Variants in ADGRB3 observed in about 807,000 individuals in gnomAD.
ADGRB3 encodes the protein brain-specific angiogenesis inhibitor 3.
A neutral mutation model predicts 193.4 loss-of-function variants in ADGRB3; 37 were observed. The observed-to-expected ratio is 0.19, with a 90% CI of 0.15 to 0.25. ADGRB3 has a LOEUF of 0.25. Ranked by LOEUF, ADGRB3 falls within the 10% of genes least tolerant of loss-of-function variation. ADGRB3 has a pLI of 1.00. For missense variants in ADGRB3, 1,637 were observed against 1,852.9 expected (o/e 0.88, Z 2.14); for synonymous variants, 690 against 644.2 (o/e 1.07, Z -1.08).
intron 10 of ADGRB3, among the ~76,000 whole-genome samples, chr6:68,983,619 T>C (rs1378860613): frequency 6.6e-6 from 1 of 151,904 alleles, no homozygotes; most frequent in African/African-American, 2.4e-5. Flanking sequence ...ACCCATTAAT[T>C]CATTATACAA....
chr6:68,955,627 T>A (rs1396302563), intron 6 of ADGRB3, among the ~76,000 whole-genome samples: 2 of 152,098 alleles, frequency 1.3e-5, no homozygotes, highest in Non-Finnish European at 2.9e-5. Flanking sequence ...CTGTCTCTAC[T>A]AAAAATACAA....
chr6:68,673,243 TAGAC>T (rs1769010390), intron 3 of ADGRB3, among the ~76,000 whole-genome samples: 1 of 152,120 alleles, frequency 6.6e-6, no homozygotes, highest in South Asian at 2.1e-4. Flanking sequence ...TTCTGACTAA[TAGAC>T]AGCATAGAAG....
intron 3 of ADGRB3, among the ~76,000 whole-genome samples, chr6:68,929,836 AT>A (rs1213278884): frequency 7.2e-5 from 11 of 151,948 alleles, no homozygotes; most frequent in Admixed American, 2.0e-4. Context: ...AGTACCAGAC[AT>A]TTTTTTTCTG....
intron 3 of ADGRB3, among the ~76,000 whole-genome samples, chr6:68,701,253 A>G (rs1765238409): frequency 6.6e-6 from 1 of 152,196 alleles, no homozygotes; most frequent in Non-Finnish European, 1.5e-5. Flanking sequence ...AAGCCAATAA[A>G]TCAATTCCAT....
At chr6:68,663,985 A>G (rs1452179155) in intron 3 of ADGRB3, among the ~76,000 whole-genome samples, 1 of 151,856 alleles carries the variant, frequency 6.6e-6, no homozygotes, top group Non-Finnish European at 1.5e-5. Context: ...GTCAATAGGA[A>G]AGTCACCATC....
At chr6:68,927,186 A>G (rs1319946150) in intron 3 of ADGRB3, among the ~76,000 whole-genome samples, 1 of 152,166 alleles carries the variant, frequency 6.6e-6, no homozygotes, top group Non-Finnish European at 1.5e-5. Flanking sequence ...GTTATGCTAT[A>G]CATTATTTCA....
At chr6:69,183,057 T>C (rs1400397889) in intron 17 of ADGRB3, among the ~76,000 whole-genome samples, 1 of 152,178 alleles carries the variant, frequency 6.6e-6, no homozygotes, top group Non-Finnish European at 1.5e-5. Flanking sequence ...ACACACATTC[T>C]GCTGTTCTAT....
intron 3 of ADGRB3, among the ~76,000 whole-genome samples, chr6:68,815,808 G>C (rs1051765395): frequency 1.3e-5 from 2 of 151,990 alleles, no homozygotes; most frequent in South Asian, 2.1e-4. Context: ...TTTAATATTT[G>C]CATTGCTTTA....
intron 23 of ADGRB3, chr6:69,332,594 T>C: frequency 1.0e-6 from 1 of 985,396 alleles, no homozygotes; most frequent in Non-Finnish European, 1.2e-6. Context: ...AGCCAAATGA[T>C]TTTACTCAGG....
intron 3 of ADGRB3, among the ~76,000 whole-genome samples, chr6:68,815,603 T>TTGTGTGTGTGTGTG (rs5877170): frequency 7.3e-6 from 1 of 137,278 alleles, no homozygotes; most frequent in Admixed American, 7.7e-5. Context: ...CCATCAAAAA[T>TTGTGTGTGTGTGTG]TGTGTGTGTG....
chr6:69,068,173 A>G lies in ADGRB3; in HGVS notation c.2436+5137A>G, dbSNP rs113719482. Among the ~76,000 whole-genome samples, 193 of 152,270 alleles carry G rather than the reference A, an allele frequency of 1.3e-3. 2 individuals are homozygous for G. Among genetic ancestry groups the G allele is most frequent in the African/African-American group, 4.6e-3 (190 of 41,560 alleles). ...GATACGCAGAATAGTGACTCCTCCA[A>G]AGACGTCCACATCCTAATCCCCAGA... On this transcript the variant is annotated intron_variant, in intron 16 of 31. Transcript: ENST00000370598.
chr6:69,052,352 G>T (rs1302921992), intron 15 of ADGRB3, among the ~76,000 whole-genome samples: 2 of 152,146 alleles, frequency 1.3e-5, no homozygotes, highest in South Asian at 2.1e-4. Flanking sequence ...CAATAGGAAA[G>T]ATCTTCTTAT....
intron 31 of ADGRB3, among the ~76,000 whole-genome samples, chr6:69,386,651 A>G (rs758417216): frequency 2.6e-5 from 4 of 152,098 alleles, no homozygotes; most frequent in Non-Finnish European, 4.4e-5. Flanking sequence ...TATGCCAACT[A>G]AAATAGATAG....
At chr6:69,274,225 C>G (rs1340804546) in intron 20 of ADGRB3, among the ~76,000 whole-genome samples, 2 of 152,190 alleles carry the variant, frequency 1.3e-5, no homozygotes, top group Non-Finnish European at 1.5e-5. Flanking sequence ...TATGCCGATA[C>G]ACAAACCTTT....
In ADGRB3 at chr6:68,699,752, G is replaced by T. The variant is rs147274038; in HGVS notation, c.757+60320G>T. 6.6e-5 allele frequency among the ~76,000 whole-genome samples: 10 copies of T among 151,422 alleles called. No homozygotes were observed. In the East Asian group the frequency reaches 2.0e-3, roughly 30 times the overall value. ...CGAGAGCAGTTCGACCAATTAGTGT[G>T]CTGGAGCATGCCCATTATGAACAAC... On this transcript the variant is annotated intron_variant, in intron 3 of 31. Transcript: ENST00000370598.
intron 13 of ADGRB3, among the ~76,000 whole-genome samples, chr6:69,038,972 T>C (rs1436404281): frequency 1.3e-5 from 2 of 152,166 alleles, no homozygotes; most frequent in African/African-American, 4.8e-5. Flanking sequence ...TTGAGTAGCA[T>C]GATGAAATTT....
chr6:68,974,733 A>G (rs760419221), intron 8 of ADGRB3, 30 bp from the exon 9 acceptor site: 2 of 1,598,638 alleles, frequency 1.3e-6, no homozygotes, highest in South Asian at 2.2e-5. Context: ...AACACTACTG[A>G]CATTCAAGTC....
intron 3 of ADGRB3, among the ~76,000 whole-genome samples, chr6:68,859,901 A>G (rs1372212132): frequency 1.3e-5 from 2 of 152,228 alleles, no homozygotes; most frequent in Non-Finnish European, 2.9e-5. Flanking sequence ...CATAGATAAT[A>G]TCTATTAATA....
intron 15 of ADGRB3, among the ~76,000 whole-genome samples, chr6:69,058,768 G>A (rs1230245905): frequency 6.6e-6 from 1 of 151,906 alleles, no homozygotes; most frequent in African/African-American, 2.4e-5. Flanking sequence ...GTTTTTCTTA[G>A]TATTGAGTTC....
Sources: gnomAD v4.1 joint callset for allele counts (sites outside exome capture counted in the v4.1 genomes callset) on GRCh38, gnomAD v4.1.1 for gene constraint, MANE v1.5 for transcripts, NCBI Gene and HGNC (gene_info 2026-07-23, HGNC 2026-07-21) for gene names.